Variants in KCNQ1 observed in about 807,000 individuals in gnomAD.
KCNQ1 encodes potassium voltage-gated channel subfamily Q member 1.
In KCNQ1, 49 loss-of-function variants were observed where a neutral mutation model predicts 72.4. The observed-to-expected ratio is 0.68, with a 90% CI of 0.54 to 0.86. KCNQ1 has a LOEUF of 0.86. Ranked by LOEUF, KCNQ1 falls within the 40% of genes least tolerant of loss-of-function variation. KCNQ1 has a pLI of 0.00. For synonymous variants in KCNQ1, 450 were observed against 412.6 expected (o/e 1.09, Z -1.10); for missense variants, 790 against 945.1 (o/e 0.84, Z 2.15).
intron 2 of KCNQ1, among the ~76,000 whole-genome samples, chr11:2,553,153 G>GTTTTTTTTT (rs1379059079): frequency 1.6e-5 from 2 of 122,628 alleles, no homozygotes; most frequent in Admixed American, 1.5e-4. Context: ...TGTTTTTGGG[G>GTTTTTTTTT]TTTTTTTTGT....
At chr11:2,638,269 T>A (rs943507560) in intron 10 of KCNQ1, 1 of 152,254 alleles carries the variant, frequency 6.6e-6, no homozygotes, top group East Asian at 1.9e-4. Context: ...CTTCCTAGCA[T>A]CTATGGTCTT....
intron 1 of KCNQ1, among the ~76,000 whole-genome samples, chr11:2,503,005 C>T (rs984661127): frequency 3.3e-5 from 5 of 152,080 alleles, no homozygotes; most frequent in South Asian, 2.1e-4. Flanking sequence ...AAACTAGACC[C>T]CTATCTCTCA....
intron 1 of KCNQ1, among the ~76,000 whole-genome samples, chr11:2,467,713 C>G (rs376470537): frequency 2.0e-5 from 3 of 152,202 alleles, no homozygotes; most frequent in African/African-American, 4.8e-5. Flanking sequence ...CCTGGGCACA[C>G]GGGCCCAGTG....
intron 1 of KCNQ1, among the ~76,000 whole-genome samples, chr11:2,449,083 G>T (rs1177198391): frequency 6.6e-6 from 1 of 152,244 alleles, no homozygotes; most frequent in African/African-American, 2.4e-5. Context: ...TCAGGTGGCA[G>T]GGCTTTGTGT....
intron 11 of KCNQ1, chr11:2,699,355 C>A: frequency 2.5e-6 from 1 of 399,274 alleles, no homozygotes; most frequent in Non-Finnish European, 4.4e-6. Flanking sequence ...TCACCCGTCC[C>A]GCGCCGTCCG....
At chr11:2,634,207 A>G in intron 10 of KCNQ1, 4 of 392,450 alleles carry the variant, frequency 1.0e-5, no homozygotes, top group Admixed American at 4.5e-5. Flanking sequence ...TCTAGGGTAC[A>G]TGTGCACAAC....
intron 15 of KCNQ1, among the ~76,000 whole-genome samples, chr11:2,845,104 G>A (rs1198653422): frequency 2.0e-5 from 3 of 152,214 alleles, no homozygotes; most frequent in African/African-American, 7.2e-5. Context: ...GGCATGAGCA[G>A]GTCGTGGGAC....
chr11:2,549,682 G>A lies in KCNQ1; in HGVS notation c.478-20946G>A, dbSNP rs980639954. 3.9e-5 allele frequency among the ~76,000 whole-genome samples: 6 copies of A among 152,102 alleles called. No homozygotes were observed. The highest frequency in any genetic ancestry group is 2.1e-4 in the South Asian group (1 of 4,826). On this transcript the variant is annotated intron_variant, in intron 2 of 15. Coordinates refer to ENST00000155840, the MANE Select transcript of KCNQ1 (RefSeq NM_000218.3). The surrounding 1 kb of genome is among the most constrained non-coding windows in gnomAD (Gnocchi z 6.2). ...AGCACCTGGGGTGGGAACAAGAGGC[G>A]TTTTGTGTTCTGCATGGGTGGCCCT...
intron 6 of KCNQ1, among the ~76,000 whole-genome samples, chr11:2,574,276 C>G (rs1232630572): frequency 2.6e-5 from 4 of 152,192 alleles, no homozygotes; most frequent in Non-Finnish European, 5.9e-5. Flanking sequence ...GCCGAGGTGA[C>G]AGGGTGACCC....
intron 15 of KCNQ1, among the ~76,000 whole-genome samples, chr11:2,788,280 T>A (rs1433910374): frequency 6.6e-6 from 1 of 152,122 alleles, no homozygotes; most frequent in Non-Finnish European, 1.5e-5. Flanking sequence ...CCGAGGTCCC[T>A]AAGGAATGTC....
Position 2,623,891 on chromosome 11 carries a change from G to T in KCNQ1, c.1393+35037G>T, listed in dbSNP as rs1219149807. 2.5e-6 allele frequency: 1 copy of T among 398,514 alleles called. No individual in the cohort carries two copies. Among genetic ancestry groups the T allele is most frequent in the Non-Finnish European group, 4.4e-6 (1 of 226,070 alleles). 24.7% of individuals were successfully genotyped at this position (398,514 alleles called of 1,614,324 possible). A position where few individuals can be genotyped will look rare whatever the true frequency, so the allele number is the denominator to read the frequency against. On this transcript the variant is annotated intron_variant, in intron 10 of 15. Coordinates refer to ENST00000155840, the MANE Select transcript of KCNQ1 (RefSeq NM_000218.3). This position sits in a 1 kb window ranked among gnomAD's most constrained non-coding sequence, Gnocchi z 5.2. Reference sequence around the variant, plus strand: ...TTCGGGGGATATGTATACACATTCAGAAGTGGAATTGATGGATCCTATGAT... The same window carrying T: ...TTCGGGGGATATGTATACACATTCATAAGTGGAATTGATGGATCCTATGAT...
At chr11:2,517,185 G>A (rs141969244) in intron 1 of KCNQ1, among the ~76,000 whole-genome samples, 61 of 152,302 alleles carry the variant, frequency 4.0e-4, no homozygotes, top group Non-Finnish European at 7.8e-4. Flanking sequence ...AGGCCTGAGC[G>A]TCCAGGAGCC....
chr11:2,677,837 A>C lies in KCNQ1; in HGVS notation c.1514+15756A>C, dbSNP rs975205960. The C allele has an allele frequency of 5.0e-6, 2 of 398,406 alleles. No individual in the cohort carries two copies. The highest frequency in any genetic ancestry group is 4.1e-5 in the African/African-American group (2 of 48,626). The allele number at this position is 398,406 out of a possible 1,614,324, so 24.7% of individuals were successfully genotyped here. ...ATGTTGTGATAGATACTGCCAAATAAGGGCTGTACCATTTACATCACTTTG... is the reference window on the plus strand; with the variant it reads ...ATGTTGTGATAGATACTGCCAAATACGGGCTGTACCATTTACATCACTTTG... On this transcript the variant is annotated intron_variant, in intron 11 of 15. Transcript: ENST00000155840. This position sits in a 1 kb window ranked among gnomAD's most constrained non-coding sequence, Gnocchi z 4.5.
intron 1 of KCNQ1, among the ~76,000 whole-genome samples, chr11:2,502,835 C>T (rs1847039425): frequency 1.3e-5 from 2 of 152,130 alleles, no homozygotes; most frequent in Admixed American, 6.5e-5. Flanking sequence ...TAAAAACAGA[C>T]ACGTAGACCA....
Position 2,538,087 on chromosome 11 carries a change from C to G in KCNQ1, c.477+10069C>G, listed in dbSNP as rs1438265491. ...TATGACCGTTTCTCCGTATAAAGCC[C>G]GTGTATATCCTCTGGAATGAGGACC... On this transcript the variant is annotated intron_variant, in intron 2 of 15. Transcript: ENST00000155840. The surrounding 1 kb of genome is among the most constrained non-coding windows in gnomAD (Gnocchi z 6.7). Among the ~76,000 whole-genome samples the G allele has an allele frequency of 6.6e-6, 1 of 152,164 alleles. No homozygotes were observed. Among genetic ancestry groups the G allele is most frequent in the African/African-American group, 2.4e-5 (1 of 41,436 alleles).
At chr11:2,489,611 G>A (rs1048224366) in intron 1 of KCNQ1, among the ~76,000 whole-genome samples, 8 of 152,200 alleles carry the variant, frequency 5.3e-5, no homozygotes, top group Admixed American at 4.6e-4. Context: ...AAACAAAAGT[G>A]ACTCTTTTCC....
chr11:2,661,615 C>T lies in KCNQ1; in HGVS notation c.1394-346C>T. On this transcript the variant is annotated intron_variant, in intron 10 of 15. Coordinates refer to ENST00000155840, the MANE Select transcript of KCNQ1 (RefSeq NM_000218.3). This position sits in a 1 kb window ranked among gnomAD's most constrained non-coding sequence, Gnocchi z 5.9. ...CCCTTACCAGGCCTGTGCCTGTCAC[C>T]TCTGTTTTATTCTTGACCCAAGTGT... 1 of 583,006 alleles carries T rather than the reference C, an allele frequency of 1.7e-6. No individual in the cohort carries two copies. The highest frequency in any genetic ancestry group is 3.1e-6 in the Non-Finnish European group (1 of 327,366). The allele number at this position is 583,006 out of a possible 1,614,324, so 36.1% of individuals were successfully genotyped here.
Position 2,685,580 on chromosome 11 carries a change from CA to C in KCNQ1, c.1514+23500del, listed in dbSNP as rs1296101149. On this transcript the variant is annotated intron_variant, in intron 11 of 15. Transcript: ENST00000155840. The stretch of plus-strand genomic sequence containing the variant: ...TACAGCTCTTGGCCCTTCCATACAG[CA>C]CATGACAGGAAGCTAGGAGGGTTGC... The C allele has an allele frequency of 2.0e-5, 8 of 398,572 alleles. No homozygotes were observed. In the Admixed American group the frequency reaches 2.2e-4, roughly 11 times the overall value. 24.7% of individuals were successfully genotyped at this position (398,572 alleles called of 1,614,324 possible). A position where few individuals can be genotyped will look rare whatever the true frequency, so the allele number is the denominator to read the frequency against.
chr11:2,476,081 GA>G (rs1846564724), intron 1 of KCNQ1, among the ~76,000 whole-genome samples: 1 of 152,134 alleles, frequency 6.6e-6, no homozygotes. Flanking sequence ...GGTAGATCAA[GA>G]AAACAAAAAT....
Sources: allele counts gnomAD v4.1 joint callset (sites outside exome capture counted in the v4.1 genomes callset), GRCh38; gene constraint gnomAD v4.1.1; non-coding constraint Gnocchi (gnomAD v3.1); transcripts MANE v1.5; gene names NCBI Gene and HGNC (gene_info 2026-07-23, HGNC 2026-07-21).